The following NRG1 variants were observed in gnomAD, a reference collection of about 807,000 sequenced individuals.
The protein encoded by NRG1 is pro-neuregulin-1, membrane-bound isoform.
Under a neutral mutation model 63.8 loss-of-function variants are expected in NRG1, and 18 were observed. That is an observed-to-expected ratio of 0.28 (90% confidence interval 0.19 to 0.42). The LOEUF (loss-of-function observed/expected upper bound fraction) is 0.42. Among genes scored for constraint, NRG1 ranks in the 10% least tolerant of loss-of-function variants. The probability of loss-of-function intolerance (pLI) is 1.00; values close to 1 mark genes in which losing one functional copy is unlikely to be tolerated. For synonymous variants in NRG1, 302 were observed against 301.3 expected (o/e 1.00, Z -0.02); for missense variants, 762 against 814.7 (o/e 0.94, Z 0.79).
chr8:32,578,635 G>T (rs1046275158), intron 1 of NRG1, among the ~76,000 whole-genome samples: 1 of 152,096 alleles, frequency 6.6e-6, no homozygotes. Context: ...TGACCATAAG[G>T]TTGGTTTGAC....
At chr8:32,030,101 T>G (rs925884600) in intron 1 of NRG1, among the ~76,000 whole-genome samples, 1 of 152,368 alleles carries the variant, frequency 6.6e-6, no homozygotes, top group East Asian at 1.9e-4. Flanking sequence ...TAGTTTATAC[T>G]GTTTGAATAA....
chr8:31,862,846 G>T (rs1828593478), intron 1 of NRG1, among the ~76,000 whole-genome samples: 2 of 152,136 alleles, frequency 1.3e-5, no homozygotes, highest in Admixed American at 1.3e-4. Flanking sequence ...AGTCAACTTT[G>T]TCCCCTTAAT....
At chr8:31,656,369 ATG>A (rs1805437554) in intron 1 of NRG1, among the ~76,000 whole-genome samples, 1 of 152,216 alleles carries the variant, frequency 6.6e-6, no homozygotes, top group African/African-American at 2.4e-5. Flanking sequence ...CACATTTTAA[ATG>A]TAAGAGTGCA....
At chr8:32,221,452 C>G (rs1375258291) in intron 1 of NRG1, among the ~76,000 whole-genome samples, 1 of 152,140 alleles carries the variant, frequency 6.6e-6, no homozygotes, top group Non-Finnish European at 1.5e-5. Flanking sequence ...TGTGATTTAA[C>G]TCGCATATTC....
chr8:32,094,558 C>T (rs1178007510), intron 1 of NRG1, among the ~76,000 whole-genome samples: 1 of 152,152 alleles, frequency 6.6e-6, no homozygotes, highest in African/African-American at 2.4e-5. Context: ...AGGTTTAATA[C>T]TCCTCCCTAA....
At chr8:31,795,922 T>C (rs1821158201) in intron 1 of NRG1, among the ~76,000 whole-genome samples, 1 of 152,212 alleles carries the variant, frequency 6.6e-6, no homozygotes, top group African/African-American at 2.4e-5. Flanking sequence ...GATGCTTTGT[T>C]TACAGTACCT....
At chr8:31,703,312 A>G (rs1810811756) in intron 1 of NRG1, among the ~76,000 whole-genome samples, 1 of 151,920 alleles carries the variant, frequency 6.6e-6, no homozygotes, top group African/African-American at 2.4e-5. Context: ...AGAAAATTGG[A>G]AAGGAGCAGA....
chr8:32,134,959 G>A (rs1339098506), intron 1 of NRG1, among the ~76,000 whole-genome samples: 1 of 152,098 alleles, frequency 6.6e-6, no homozygotes, highest in Non-Finnish European at 1.5e-5. Flanking sequence ...AGGTATTCAT[G>A]AATAAAATAA....
chr8:31,960,402 T>C (rs327403), intron 1 of NRG1, among the ~76,000 whole-genome samples: 152,128 of 152,230 alleles, frequency 1, 76,014 homozygotes, highest in Middle Eastern at 1. Context: ...GAGGAGGCTA[T>C]GAAGGAGATC....
At chr8:32,020,113 A>C (rs553881230) in intron 1 of NRG1, among the ~76,000 whole-genome samples, 1 of 152,328 alleles carries the variant, frequency 6.6e-6, no homozygotes, top group East Asian at 1.9e-4. Flanking sequence ...TTGACATCTT[A>C]ACAATATATC....
At chr8:32,644,554 C>T (rs148121930) in intron 5 of NRG1, among the ~76,000 whole-genome samples, 352 of 152,074 alleles carry the variant, frequency 2.3e-3, no homozygotes, top group African/African-American at 7.9e-3. Context: ...TCCAATTTGG[C>T]GGAAAAAAAG....
chr8:32,306,462 T>A (rs572326831), intron 1 of NRG1, among the ~76,000 whole-genome samples: 1 of 152,318 alleles, frequency 6.6e-6, no homozygotes, highest in South Asian at 2.1e-4. Context: ...TATAGTGAGT[T>A]ACCAGCTGGG....
At chr8:32,176,425 T>G (rs1446825693) in intron 1 of NRG1, among the ~76,000 whole-genome samples, 2 of 152,298 alleles carry the variant, frequency 1.3e-5, no homozygotes, top group East Asian at 1.9e-4. Flanking sequence ...GGACAAGGAC[T>G]TCATGTCTAA....
intron 1 of NRG1, among the ~76,000 whole-genome samples, chr8:31,793,093 C>T (rs2221349): frequency 0.23 from 35,448 of 152,126 alleles, 4,370 homozygotes; most frequent in Admixed American, 0.26. Context: ...CACCAACTAG[C>T]ACTCATAGCA....
At chr8:32,598,277 A>G (rs1588590677) in intron 2 of NRG1, among the ~76,000 whole-genome samples, 2 of 152,096 alleles carry the variant, frequency 1.3e-5, no homozygotes, top group East Asian at 3.8e-4. Context: ...AATTTCATCT[A>G]GAAGAAAGCA....
chr8:32,393,510 A>G (rs1812042934), intron 1 of NRG1, among the ~76,000 whole-genome samples: 1 of 152,244 alleles, frequency 6.6e-6, no homozygotes, highest in Admixed American at 6.5e-5. Flanking sequence ...TAAACAGGAT[A>G]AAGAAAATGT....
At chr8:32,036,434 T>C (rs1353905828) in intron 1 of NRG1, among the ~76,000 whole-genome samples, 2 of 152,182 alleles carry the variant, frequency 1.3e-5, no homozygotes, top group African/African-American at 4.8e-5. Context: ...ATGGAGTATC[T>C]TACTGGGGTT....
At chr8:32,413,430 A>G (rs1186087731) in intron 1 of NRG1, among the ~76,000 whole-genome samples, 1 of 152,164 alleles carries the variant, frequency 6.6e-6, no homozygotes, top group Non-Finnish European at 1.5e-5. Flanking sequence ...ACATTTTACC[A>G]TGTTTCCTTA....
At chr8:32,124,166 C>G (rs752016126) in intron 1 of NRG1, among the ~76,000 whole-genome samples, 1 of 151,940 alleles carries the variant, frequency 6.6e-6, no homozygotes, top group Non-Finnish European at 1.5e-5. Context: ...AATACTTTAA[C>G]TTCAAAGCTC....
Sources: allele counts gnomAD v4.1 joint callset (sites outside exome capture counted in the v4.1 genomes callset), GRCh38; gene constraint gnomAD v4.1.1; transcripts MANE v1.5; gene names NCBI Gene and HGNC (gene_info 2026-07-23, HGNC 2026-07-21).